Variants in SLC38A6 observed in about 807,000 individuals in gnomAD.
SLC38A6 encodes N system amino acid transporter NAT-1.
Under a neutral mutation model 65.0 loss-of-function variants are expected in SLC38A6, and 73 were observed. That is an observed-to-expected ratio of 1.12 (90% CI 0.93 to 1.37). The LOEUF (loss-of-function observed/expected upper bound fraction) is 1.37, where lower values mean the gene tolerates loss of function less well. Ranked by LOEUF, SLC38A6 falls within the 40% of genes most tolerant of loss-of-function variation. The pLI is 0.00. For missense variants in SLC38A6, 561 were observed against 531.1 expected (o/e 1.06, Z -0.55); for synonymous variants, 183 against 178.8 (o/e 1.02, Z -0.19).
At chr14:61,078,824 G>C (rs143760849) in exon 16 of SLC38A6, 4 of 205,938 alleles carry the variant, frequency 1.9e-5, no homozygotes, top group Non-Finnish European at 3.8e-5. Context: ...TCATTCTGTC[G>C]CACAGGTTGG....
At chr14:61,042,358 T>C (rs1416631740) in intron 8 of SLC38A6, among the ~76,000 whole-genome samples, 1 of 152,192 alleles carries the variant, frequency 6.6e-6, no homozygotes, top group East Asian at 1.9e-4. Flanking sequence ...TCTTGTCCTT[T>C]TGTGCACTGG....
chr14:61,080,454 C>T (rs1192830080), intron 16 of SLC38A6, among the ~76,000 whole-genome samples: 2 of 152,170 alleles, frequency 1.3e-5, no homozygotes, highest in East Asian at 3.9e-4. Context: ...ATTGTGCCTT[C>T]CAAAAATATA....
intron 3 of SLC38A6, among the ~76,000 whole-genome samples, chr14:61,013,855 A>C (rs1479574240): frequency 6.6e-6 from 1 of 151,920 alleles, no homozygotes. Flanking sequence ...TCTGACAATT[A>C]TATGTTTTGG....
intron 15 of SLC38A6, among the ~76,000 whole-genome samples, chr14:61,072,707 A>T (rs2043271325): frequency 6.6e-6 from 1 of 152,176 alleles, no homozygotes; most frequent in South Asian, 2.1e-4. Context: ...AAATGAAAAG[A>T]TCTCATTGTT....
At position 61,012,954 on chromosome 14, in the gene SLC38A6, T is replaced by G. The variant is rs183794339; in HGVS notation, c.311-2950T>G. 4.3e-4 allele frequency among the ~76,000 whole-genome samples: 65 copies of G among 152,306 alleles called. 1 individual carries two copies. In the East Asian group the frequency reaches 0.012, roughly 28 times the overall value. Reference sequence around the variant, plus strand: ...TGGAGATCCTTGTTAACTTTCTGTCTCGTGGATCTGTCTAATGTTAACAGT... The same window carrying G: ...TGGAGATCCTTGTTAACTTTCTGTCGCGTGGATCTGTCTAATGTTAACAGT... On this transcript the variant is annotated intron_variant, in intron 3 of 15. Transcript: ENST00000267488.
intron 3 of SLC38A6, among the ~76,000 whole-genome samples, chr14:61,005,658 A>G (rs2039052661): frequency 6.6e-6 from 1 of 152,196 alleles, no homozygotes; most frequent in South Asian, 2.1e-4. Context: ...GAGAACTACA[A>G]ACCACTGCTT....
chr14:61,022,518 T>C (rs1042827027), intron 5 of SLC38A6, among the ~76,000 whole-genome samples: 1 of 150,868 alleles, frequency 6.6e-6, no homozygotes, highest in Non-Finnish European at 1.5e-5. Context: ...AATCGTACAA[T>C]GACCAATGTT....
intron 15 of SLC38A6, among the ~76,000 whole-genome samples, chr14:61,069,135 A>G (rs2043134986): frequency 6.6e-6 from 1 of 152,192 alleles, no homozygotes; most frequent in African/African-American, 2.4e-5. Context: ...GTTACGACCC[A>G]GGCATCGATA....
At chr14:61,032,850 T>G (rs1453864717) in intron 6 of SLC38A6, among the ~76,000 whole-genome samples, 1 of 151,924 alleles carries the variant, frequency 6.6e-6, no homozygotes, top group Non-Finnish European at 1.5e-5. Flanking sequence ...GATAAGCTTT[T>G]ATTTTAGGGT....
chr14:61,013,477 C>T (rs1418625880), intron 3 of SLC38A6, among the ~76,000 whole-genome samples: 5 of 152,262 alleles, frequency 3.3e-5, no homozygotes, highest in Middle Eastern at 3.4e-3. Context: ...TTCTTCCTAG[C>T]CTTGATGGTC....
rs146056220 is a variant in SLC38A6 at position 61,075,900 on chromosome 14, G to A, written c.1291-2910G>A. Among the ~76,000 whole-genome samples the A allele has an allele frequency of 3.7e-3, 556 of 151,198 alleles. 3 individuals carry two copies. Among genetic ancestry groups the A allele is most frequent in the South Asian group, 0.028 (134 of 4,776 alleles). On this transcript the variant is annotated intron_variant, in intron 15 of 16. Transcript: ENST00000354886. ...AACGGAGTTTCACTTTTTTTGCCCAGACTGGAGTGCAATGCTGTGATCTCG... is the reference window on the plus strand; with the variant it reads ...AACGGAGTTTCACTTTTTTTGCCCAAACTGGAGTGCAATGCTGTGATCTCG...
In SLC38A6 at chr14:61,063,265, C is replaced by G. The variant is rs947358539; in HGVS notation, c.1290+11130C>G. Among the ~76,000 whole-genome samples, 44 of 152,068 alleles carry G rather than the reference C, an allele frequency of 2.9e-4. 1 individual carries two copies. The highest frequency in any genetic ancestry group is 4.4e-5 in the Non-Finnish European group (3 of 68,014). ...AGGGATTTTGCCCTCCCTCTAAATC[C>G]TATCTAAAAACTTTTATAACTTTCC... On this transcript the variant is annotated intron_variant, in intron 15 of 16. Transcript: ENST00000354886.
downstream of SLC38A6, among the ~76,000 whole-genome samples, chr14:61,054,017 T>C (rs1444791368): frequency 6.6e-6 from 1 of 152,208 alleles, no homozygotes; most frequent in African/African-American, 2.4e-5. Flanking sequence ...GTTTTACATT[T>C]AAGTCTTTAA....
intron 4 of SLC38A6, among the ~76,000 whole-genome samples, chr14:61,016,398 G>C (rs2040011810): frequency 3.9e-5 from 6 of 152,122 alleles, no homozygotes; most frequent in Admixed American, 3.9e-4. Flanking sequence ...ATTGCTACAA[G>C]ATTATCTAGC....
intron 3 of SLC38A6, among the ~76,000 whole-genome samples, chr14:60,991,379 C>T (rs1172023429): frequency 6.6e-6 from 1 of 152,072 alleles, no homozygotes; most frequent in Non-Finnish European, 1.5e-5. Flanking sequence ...TATGAATATT[C>T]ATTTAATCTT....
intron 3 of SLC38A6, among the ~76,000 whole-genome samples, chr14:61,006,557 A>G (rs1216832048): frequency 6.6e-6 from 1 of 152,240 alleles, no homozygotes; most frequent in African/African-American, 2.4e-5. Flanking sequence ...TTATGCAGCC[A>G]AAAAACACAT....
intron 2 of SLC38A6, 129 bp from the exon 3 acceptor site, chr14:60,984,601 A>G: frequency 1.6e-6 from 1 of 623,012 alleles, no homozygotes; most frequent in East Asian, 2.6e-5. Context: ...TCCTTAATGA[A>G]CATAATTCTG....
chr14:61,018,554 C>T (rs954889629), intron 4 of SLC38A6, among the ~76,000 whole-genome samples: 7 of 152,194 alleles, frequency 4.6e-5, no homozygotes, highest in African/African-American at 1.7e-4. Flanking sequence ...TCATGTAGAA[C>T]TGAATGATTC....
At chr14:61,049,036 T>C (rs1446113682) in intron 12 of SLC38A6, among the ~76,000 whole-genome samples, 1 of 152,182 alleles carries the variant, frequency 6.6e-6, no homozygotes, top group African/African-American at 2.4e-5. Flanking sequence ...TTTGGACAAT[T>C]CATTTCTCTC....
Sources: allele counts gnomAD v4.1 joint callset (sites outside exome capture counted in the v4.1 genomes callset), GRCh38; gene constraint gnomAD v4.1.1; transcripts MANE v1.5; gene names NCBI Gene and HGNC (gene_info 2026-07-23, HGNC 2026-07-21).